PRLR: variants seen among roughly 807,000 people sequenced by gnomAD.
PRLR encodes prolactin receptor, also known as hPRL receptor.
A neutral mutation model predicts 40.2 loss-of-function variants in PRLR; 13 were observed. The ratio of observed to expected loss-of-function variants is 0.32; its 90% CI spans 0.21 to 0.51. The LOEUF (loss-of-function observed/expected upper bound fraction) is 0.51, where lower values mean the gene tolerates loss of function less well. Ranked by LOEUF, PRLR falls within the 20% of genes least tolerant of loss-of-function variation. The pLI is 0.97. For synonymous variants in PRLR, 269 were observed against 278.7 expected (o/e 0.97, Z 0.35); for missense variants, 656 against 747.3 (o/e 0.88, Z 1.42).
chr5:35,049,422 G>T (rs1230513594), intron 8 of PRLR: 1 of 702,794 alleles, frequency 1.4e-6, no homozygotes, highest in East Asian at 2.7e-5. Flanking sequence ...GAGTGGGGAA[G>T]AAAAACAGTA....
At chr5:35,094,569 C>T (rs1407058466) in intron 2 of PRLR, among the ~76,000 whole-genome samples, 3 of 152,190 alleles carry the variant, frequency 2.0e-5, no homozygotes, top group Non-Finnish European at 4.4e-5. Context: ...CCCGCCATAT[C>T]TCCTGTTAAC....
At chr5:35,219,262 A>G (rs555172109) in intron 1 of PRLR, among the ~76,000 whole-genome samples, 4 of 152,374 alleles carry the variant, frequency 2.6e-5, no homozygotes, top group South Asian at 2.1e-4. Context: ...GTGGCACAAC[A>G]TAGTTACTAG....
chr5:35,144,080 T>G (rs1400428324), intron 1 of PRLR, among the ~76,000 whole-genome samples: 4 of 151,142 alleles, frequency 2.6e-5, no homozygotes, highest in African/African-American at 9.7e-5. Context: ...AGTTTTGCAT[T>G]CTTTTTTGTT....
In PRLR at chr5:35,191,746, A is replaced by G. The variant is rs114549674; in HGVS notation, c.-106+38522T>C. Among the ~76,000 whole-genome samples the G allele has an allele frequency of 5.8e-3, 885 of 152,290 alleles. 13 individuals carry two copies. Among genetic ancestry groups the G allele is most frequent in the African/African-American group, 0.02 (836 of 41,558 alleles). ...AAACAGATTCTTGTGAGACACAGACACTGTATCTTTCATATAGAAAGGTTT... is the reference window on the plus strand; with the variant it reads ...AAACAGATTCTTGTGAGACACAGACGCTGTATCTTTCATATAGAAAGGTTT... On this transcript the variant is annotated intron_variant, in intron 1 of 9. Coordinates refer to ENST00000618457, the MANE Select transcript of PRLR (RefSeq NM_000949.7).
intron 1 of PRLR, among the ~76,000 whole-genome samples, chr5:35,183,492 T>C (rs1453266117): frequency 6.6e-6 from 1 of 152,186 alleles, no homozygotes; most frequent in Non-Finnish European, 1.5e-5. Flanking sequence ...AGTCTCAGGT[T>C]CTCCAACAAA....
chr5:35,082,796 G>A (rs1488955531), intron 5 of PRLR, among the ~76,000 whole-genome samples: 1 of 152,114 alleles, frequency 6.6e-6, no homozygotes, highest in African/African-American at 2.4e-5. Context: ...TCCCAACACT[G>A]TAGGCTGCAG....
chr5:35,123,051 C>A (rs968825210), intron 1 of PRLR, among the ~76,000 whole-genome samples: 4 of 151,992 alleles, frequency 2.6e-5, no homozygotes, highest in Non-Finnish European at 5.9e-5. Flanking sequence ...GCGAAAGAAT[C>A]CAATATTTTG....
intron 1 of PRLR, among the ~76,000 whole-genome samples, chr5:35,182,834 A>G (rs929456753): frequency 2.6e-5 from 4 of 152,226 alleles, no homozygotes; most frequent in African/African-American, 9.6e-5. Context: ...TTGGGATACA[A>G]TGATCTCTCA....
At chr5:35,217,622 T>C (rs921276668) in intron 1 of PRLR, among the ~76,000 whole-genome samples, 1 of 152,218 alleles carries the variant, frequency 6.6e-6, no homozygotes, top group Non-Finnish European at 1.5e-5. Flanking sequence ...ATATATGGTA[T>C]ATTTTTGTAA....
chr5:35,084,502 G>A lies in PRLR; in HGVS notation c.341C>T (p.Ser114Leu), dbSNP rs1241789782. Residue 114 changes from serine (S) to leucine (L), a missense_variant, in exon 5 of 10, where the codon TCG (serine) becomes TTG (leucine). Coordinates refer to ENST00000618457, the MANE Select transcript of PRLR (RefSeq NM_000949.7). ...NATNQMGSSF[S>L]DELYVDVTYI... ...AGTCACGTCCACATAAAGTTCATCC[G>A]AGAAACTGCTTCCCATCTGGTTAGT... is the stretch of plus-strand genomic sequence containing the variant. 3 of 1,576,858 alleles carry A rather than the reference G, an allele frequency of 1.9e-6. No homozygotes were observed. The highest frequency in any genetic ancestry group is 2.6e-6 in the Non-Finnish European group (3 of 1,168,268).
intron 1 of PRLR, among the ~76,000 whole-genome samples, chr5:35,145,702 T>C (rs1218243951): frequency 6.6e-6 from 1 of 152,228 alleles, no homozygotes; most frequent in Admixed American, 6.5e-5. Context: ...AACTTTGCCA[T>C]GTGCCTAGCT....
chr5:35,115,768 AT>A (rs1411915915), intron 2 of PRLR, among the ~76,000 whole-genome samples: 5 of 152,004 alleles, frequency 3.3e-5, no homozygotes, highest in African/African-American at 1.2e-4. Context: ...TTAGGGAGTG[AT>A]GATTACCACT....
At chr5:35,193,221 C>T (rs1302120828) in intron 1 of PRLR, among the ~76,000 whole-genome samples, 1 of 152,118 alleles carries the variant, frequency 6.6e-6, no homozygotes, top group African/African-American at 2.4e-5. Context: ...GCAGTGGGGA[C>T]AAGGAGCAAA....
chr5:35,191,090 A>T (rs1433632894), intron 1 of PRLR, among the ~76,000 whole-genome samples: 3 of 54,344 alleles, frequency 5.5e-5, no homozygotes, highest in South Asian at 9.1e-4. Context: ...TTTTTTTTTG[A>T]GACGGAGTCT....
chr5:35,098,025 G>A (rs1334714415), intron 2 of PRLR, among the ~76,000 whole-genome samples: 5 of 152,114 alleles, frequency 3.3e-5, no homozygotes, highest in Non-Finnish European at 7.4e-5. Context: ...TTGGGTTATT[G>A]TCCCCAACTA....
rs922762689 is a variant in PRLR at position 35,075,980 on chromosome 5, A to T, written c.374-3236T>A. On this transcript the variant is annotated intron_variant, in intron 5 of 9. Transcript: ENST00000618457. ...AACAGACCTGCAGCTGAGGGTCCTG[A>T]CTGTTAGAAGGAAAACTAACTAACA... Among the ~76,000 whole-genome samples the T allele has an allele frequency of 3.3e-5, 5 of 152,336 alleles. 1 individual carries two copies. The South Asian group carries it at 1.0e-3, about 32-fold the overall frequency.
Position 35,061,020 on chromosome 5 carries a change from C to T in PRLR, c.*4069G>A, listed in dbSNP as rs1014480858. 11 of 152,144 alleles carry T rather than the reference C, an allele frequency of 7.2e-5. No individual in the cohort carries two copies. Among genetic ancestry groups the T allele is most frequent in the South Asian group, 2.1e-4 (1 of 4,834 alleles). 9.4% of individuals were successfully genotyped at this position (152,144 alleles called of 1,614,324 possible). A position where few individuals can be genotyped will look rare whatever the true frequency, so the allele number is the denominator to read the frequency against. On this transcript the variant is annotated 3_prime_UTR_variant, in exon 10 of 10. Coordinates refer to ENST00000618457, the MANE Select transcript of PRLR (RefSeq NM_000949.7). ...TCTGTGTTGATTCAATTAAACAATA[C>T]GTAAACATTCACTGAACATTGCTGG...
intron 2 of PRLR, 72 bp from the exon 3 acceptor site, chr5:35,089,735 G>T: frequency 1.1e-6 from 1 of 886,604 alleles, no homozygotes; most frequent in Non-Finnish European, 1.8e-6. Context: ...CTTTATTCTG[G>T]GTATTTGCAA....
intron 1 of PRLR, among the ~76,000 whole-genome samples, chr5:35,152,152 C>T (rs1242187272): frequency 6.6e-6 from 1 of 152,176 alleles, no homozygotes; most frequent in Non-Finnish European, 1.5e-5. Context: ...GATCCATTCT[C>T]CTTAACTATA....
Sources: allele counts gnomAD v4.1 joint callset (sites outside exome capture counted in the v4.1 genomes callset), GRCh38; gene constraint gnomAD v4.1.1; transcripts MANE v1.5; gene names NCBI Gene and HGNC (gene_info 2026-07-23, HGNC 2026-07-21).